DLGAP1: variants seen among roughly 807,000 people sequenced by gnomAD.
DLGAP1 encodes the protein DLG associated protein 1, also known as disks large-associated protein 1.
Under a neutral mutation model 90.8 loss-of-function variants are expected in DLGAP1, and 11 were observed. The observed-to-expected ratio is 0.12, with a 90% CI of 0.08 to 0.20. The LOEUF (loss-of-function observed/expected upper bound fraction) is 0.20, where lower values mean the gene tolerates loss of function less well. Ranked by LOEUF, DLGAP1 falls within the 10% of genes least tolerant of loss-of-function variation. The probability of loss-of-function intolerance (pLI) is 1.00; values close to 1 mark genes in which losing one functional copy is unlikely to be tolerated. For missense variants in DLGAP1, 1,050 were observed against 1,333.8 expected (o/e 0.79, Z 3.31); for synonymous variants, 558 against 540.7 (o/e 1.03, Z -0.44).
Position 3,829,509 on chromosome 18 carries a change from A to G in DLGAP1, c.958-15236T>C, listed in dbSNP as rs566303279. On this transcript the variant is annotated intron_variant, in intron 4 of 12. Transcript: ENST00000315677. ...TGGGGGAATCTCTAGAGGCCTGTGT[A>G]TAGGGGACTGTGGATCAGTCAGGGT... Among the ~76,000 whole-genome samples the G allele has an allele frequency of 4.5e-4, 69 of 152,122 alleles. 1 individual carries two copies. Among genetic ancestry groups the G allele is most frequent in the African/African-American group, 1.6e-3 (68 of 41,496 alleles).
rs542879321 is a variant in DLGAP1 at position 3,789,103 on chromosome 18, G to A, written c.1172+24956C>T. Reference sequence around the variant, plus strand: ...GAAACAGATGGATATTATGGTGCTAGTCCTTGATTGAGCCCTCGCTGTGAG... The same window carrying A: ...GAAACAGATGGATATTATGGTGCTAATCCTTGATTGAGCCCTCGCTGTGAG... On this transcript the variant is annotated intron_variant, in intron 5 of 12. Coordinates refer to ENST00000315677, the MANE Select transcript of DLGAP1 (RefSeq NM_004746.4). 9.6e-4 allele frequency among the ~76,000 whole-genome samples: 146 copies of A among 152,348 alleles called. 4 individuals are homozygous for A. The South Asian group carries it at 0.03, about 31-fold the overall frequency.
Position 3,664,183 on chromosome 18 carries a change from TACACACACAC to T in DLGAP1, c.1591+64942_1591+64951del, listed in dbSNP as rs35653599. ...CAGCCTCCATAATTATGGGTCAGTA[TACACACACAC>T]ACACACACACACACACACACACACC... On this transcript the variant is annotated intron_variant, in intron 7 of 12. Transcript: ENST00000315677. Among the ~76,000 whole-genome samples, 50 of 135,740 alleles carry T rather than the reference TACACACACAC, an allele frequency of 3.7e-4. No individual in the cohort carries two copies. In the East Asian group the frequency reaches 7.2e-3, roughly 20 times the overall value. The allele number at this position is 135,740 out of a possible 152,430, so 89.1% of individuals were successfully genotyped here.
At chr18:4,177,541 T>C (rs1161003826) in intron 1 of DLGAP1, among the ~76,000 whole-genome samples, 1 of 152,164 alleles carries the variant, frequency 6.6e-6, no homozygotes, top group African/African-American at 2.4e-5. Flanking sequence ...CATAAGTGTT[T>C]GGTGTACAGA....
At chr18:4,180,717 C>T (rs980695522) in intron 1 of DLGAP1, among the ~76,000 whole-genome samples, 2 of 152,140 alleles carry the variant, frequency 1.3e-5, no homozygotes, top group Non-Finnish European at 2.9e-5. Context: ...CCGTTTCTCA[C>T]ACACATATAA....
chr18:4,070,718 G>A (rs1002853178), intron 2 of DLGAP1, among the ~76,000 whole-genome samples: 1 of 151,942 alleles, frequency 6.6e-6, no homozygotes, highest in Non-Finnish European at 1.5e-5. Context: ...GGATAAAAAG[G>A]TTGGATCCAC....
At chr18:4,257,561 T>G in intron 1 of DLGAP1, among the ~76,000 whole-genome samples, 1 of 152,310 alleles carries the variant, frequency 6.6e-6, no homozygotes, top group East Asian at 1.9e-4. Flanking sequence ...CTCCTAGAAT[T>G]TTTATAAACT....
At chr18:3,810,949 G>C (rs904478033) in intron 5 of DLGAP1, among the ~76,000 whole-genome samples, 1 of 151,984 alleles carries the variant, frequency 6.6e-6, no homozygotes, top group Non-Finnish European at 1.5e-5. Flanking sequence ...GGGACTACAG[G>C]TGCACGCCGC....
chr18:4,100,467 C>T (rs1301057338), intron 2 of DLGAP1, among the ~76,000 whole-genome samples: 4 of 152,132 alleles, frequency 2.6e-5, no homozygotes, highest in African/African-American at 9.7e-5. Context: ...TTATTGAGCA[C>T]AGGAAAAGCA....
chr18:3,909,017 TAC>T (rs1360297312), intron 3 of DLGAP1, among the ~76,000 whole-genome samples: 1 of 152,176 alleles, frequency 6.6e-6, no homozygotes, highest in Non-Finnish European at 1.5e-5. Context: ...AAACAAAGCA[TAC>T]TCTATAAAAA....
At position 3,660,866 on chromosome 18, in the gene DLGAP1, C is replaced by CAGTTCTCT. The variant is rs2059658029; in HGVS notation, c.1591+68261_1591+68268dup. Among the ~76,000 whole-genome samples the CAGTTCTCT allele has an allele frequency of 5.3e-5, 8 of 152,298 alleles. No individual in the cohort carries two copies. The South Asian group carries it at 1.7e-3, about 32-fold the overall frequency. On this transcript the variant is annotated intron_variant, in intron 7 of 12. Coordinates refer to ENST00000315677, the MANE Select transcript of DLGAP1 (RefSeq NM_004746.4). This position sits in a 1 kb window ranked among gnomAD's most constrained non-coding sequence, Gnocchi z 4.2. ...TATATTCAAATACCTCAATAATCTG[C>CAGTTCTCT]AGTTCTCTTGTCTCAACTGTCATCA...
chr18:3,652,844 T>TCACTG (rs1003556705), intron 7 of DLGAP1, among the ~76,000 whole-genome samples: 71 of 152,328 alleles, frequency 4.7e-4, no homozygotes, highest in African/African-American at 1.7e-3. Context: ...ATGCTGCTTA[T>TCACTG]CACTGGCAAA....
intron 2 of DLGAP1, among the ~76,000 whole-genome samples, chr18:4,037,512 T>A (rs1342895561): frequency 6.6e-6 from 1 of 152,246 alleles, no homozygotes; most frequent in East Asian, 1.9e-4. Context: ...GGATTTTTTA[T>A]TCAGTTATAA....
At chr18:4,192,383 T>A (rs573590578) in intron 1 of DLGAP1, among the ~76,000 whole-genome samples, 3 of 152,194 alleles carry the variant, frequency 2.0e-5, no homozygotes, top group Non-Finnish European at 4.4e-5. Flanking sequence ...TGTCATTTGA[T>A]AACGACTGCA....
At chr18:3,818,759 C>A (rs1299525690) in intron 4 of DLGAP1, among the ~76,000 whole-genome samples, 7 of 151,600 alleles carry the variant, frequency 4.6e-5, no homozygotes, top group African/African-American at 1.5e-4. Flanking sequence ...CCATGCCTGG[C>A]TAATTTTTGT....
At chr18:3,755,625 C>T (rs1334133025) in intron 5 of DLGAP1, among the ~76,000 whole-genome samples, 3 of 152,156 alleles carry the variant, frequency 2.0e-5, no homozygotes, top group Non-Finnish European at 2.9e-5. Flanking sequence ...AAAAATCTTA[C>T]AATTATAAAC....
At chr18:4,227,643 G>A (rs1359711942) in intron 1 of DLGAP1, among the ~76,000 whole-genome samples, 4 of 151,414 alleles carry the variant, frequency 2.6e-5, no homozygotes, top group African/African-American at 7.3e-5. Context: ...AAAATTTCTT[G>A]AAACAAATGA....
At chr18:4,271,721 T>C (rs1352497042) in intron 1 of DLGAP1, among the ~76,000 whole-genome samples, 1 of 152,220 alleles carries the variant, frequency 6.6e-6, no homozygotes, top group Admixed American at 6.5e-5. Context: ...ATTCTTATCA[T>C]GCCTCAGTCT....
intron 3 of DLGAP1, chr18:3,986,138 A>G (rs1322821300): frequency 6.6e-6 from 1 of 151,994 alleles, no homozygotes; most frequent in East Asian, 1.9e-4. Flanking sequence ...CCACTGGGGC[A>G]CCCGGCAGGG....
chr18:4,007,009 G>A (rs1335437941), intron 2 of DLGAP1, among the ~76,000 whole-genome samples: 1 of 152,076 alleles, frequency 6.6e-6, no homozygotes, highest in African/African-American at 2.4e-5. Context: ...GAAACATACA[G>A]TAATTGTATA....
Sources: gnomAD v4.1 joint callset for allele counts (sites outside exome capture counted in the v4.1 genomes callset) on GRCh38, gnomAD v4.1.1 for gene constraint, Gnocchi (gnomAD v3.1) non-coding constraint, MANE v1.5 for transcripts, NCBI Gene and HGNC (gene_info 2026-07-23, HGNC 2026-07-21) for gene names.